Variants in IFIH1 observed in about 807,000 individuals in gnomAD.
IFIH1 encodes the protein interferon induced with helicase C domain 1, also known as interferon-induced helicase C domain-containing protein 1.
IFIH1 carries 125 observed loss-of-function variants against 107.4 expected under a neutral mutation model. The ratio of observed to expected loss-of-function variants is 1.16; its 90% confidence interval spans 1.01 to 1.35. IFIH1 has a LOEUF of 1.35. IFIH1 is among the 40% of genes most tolerant of loss of function. The pLI is 0.00. For synonymous variants in IFIH1, 458 were observed against 413.2 expected, an observed-to-expected ratio of 1.11 and a Z score of -1.31; for missense variants, 1,333 against 1,213.7, an observed-to-expected ratio of 1.10 and a Z score of -1.46.
chr2:162,315,070 G>C (rs957998873), intron 1 of IFIH1, among the ~76,000 whole-genome samples: 1 of 152,118 alleles, frequency 6.6e-6, no homozygotes, highest in Non-Finnish European at 1.5e-5. Flanking sequence ...TAAAATAATA[G>C]ATCAAGTAGA....
At chr2:162,306,656 G>GAAGATGTAGTAATTTT in intron 3 of IFIH1, 53 bp downstream of exon 3, 2 of 1,512,128 alleles carry the variant, frequency 1.3e-6, no homozygotes, top group Non-Finnish European at 1.8e-6. Context: ...TGCCCAGTTG[G>GAAGATGTAGTAATTTT]TTTTTCTGGA....
chr2:162,291,627 C>T (rs907190149), intron 4 of IFIH1, among the ~76,000 whole-genome samples: 3 of 151,708 alleles, frequency 2.0e-5, no homozygotes, highest in Admixed American at 1.3e-4. Context: ...CCTTATGGCC[C>T]ATATATGACC....
chr2:162,298,036 A>G (rs145259336), intron 3 of IFIH1, among the ~76,000 whole-genome samples: 1 of 152,304 alleles, frequency 6.6e-6, no homozygotes, highest in Non-Finnish European at 1.5e-5. Flanking sequence ...AAAAATATTG[A>G]ACTTTAAAAT....
At chr2:162,293,445 A>G in intron 4 of IFIH1, 119 bp downstream of exon 4, 1 of 610,932 alleles carries the variant, frequency 1.6e-6, no homozygotes, top group Non-Finnish European at 2.9e-6. Context: ...ATTTCACTGT[A>G]GAAAAGAATT....
At chr2:162,284,432 A>G (rs1342451734) in intron 5 of IFIH1, among the ~76,000 whole-genome samples, 2 of 151,986 alleles carry the variant, frequency 1.3e-5, no homozygotes, top group Non-Finnish European at 2.9e-5. Context: ...TTAACCTATT[A>G]TAGGGTTGTG....
rs1682712236 is a variant in IFIH1 at position 162,277,410 on chromosome 2, C to G, written c.2044+5G>C. The G allele has an allele frequency of 6.2e-7, 1 of 1,600,638 alleles. No individual in the cohort carries two copies. Among genetic ancestry groups the G allele is most frequent in the Non-Finnish European group, 8.5e-7 (1 of 1,169,928 alleles). The stretch of plus-strand genomic sequence containing the variant: ...GACACCAGTATATGTTACTTTGAAT[C>G]TTACCAAAAAATAAAGTCATGAGAA... On this transcript the variant is annotated splice_donor_5th_base_variant and intron_variant, in intron 10 of 15. Transcript: ENST00000649979.
At chr2:162,293,531 C>CTA (rs765395525) in intron 4 of IFIH1, 33 bp downstream of exon 4, 1 of 1,418,016 alleles carries the variant, frequency 7.1e-7, no homozygotes, top group South Asian at 1.2e-5. Flanking sequence ...TTATTTCACA[C>CTA]TTTTTAAGGT....
chr2:162,267,310 C>A lies in IFIH1; in HGVS notation c.2968G>T (p.Val990Phe), dbSNP rs766879801. The A allele has an allele frequency of 9.4e-5, 152 of 1,612,274 alleles. No homozygotes were observed. Among genetic ancestry groups the A allele is most frequent in the Non-Finnish European group, 1.2e-4 (145 of 1,179,560 alleles). The change falls in exon 16 of 16, where the codon GTT (valine) becomes TTT (phenylalanine). Residue 990 changes from valine (V) to phenylalanine (F), a missense_variant. By Grantham distance (50) the Val-to-Phe change is conservative. Coordinates refer to ENST00000649979, the MANE Select transcript of IFIH1 (RefSeq NM_022168.4). ...TTCTTTGTTGAATTATTTTTGAAAACCACTACAAAATTCCTTATTTTGAGA... is the reference window on the plus strand; with the variant it reads ...TTCTTTGTTGAATTATTTTTGAAAAACACTACAAAATTCCTTATTTTGAGA... ...PCLKIRNFVV[V>F]FKNNSTKKQY...
At chr2:162,271,845 T>C (rs1691046344) in intron 13 of IFIH1, among the ~76,000 whole-genome samples, 1 of 152,194 alleles carries the variant, frequency 6.6e-6, no homozygotes, top group Non-Finnish European at 1.5e-5. Flanking sequence ...CCTATAAGGT[T>C]ACCTGGCACA....
chr2:162,307,238 A>T (rs1683299783), intron 2 of IFIH1: 1 of 155,438 alleles, frequency 6.4e-6, no homozygotes, highest in Non-Finnish European at 1.4e-5. Flanking sequence ...CAATATAAGC[A>T]TTATGCTAAT....
At chr2:162,307,121 A>G (rs951440207) in intron 2 of IFIH1, 2 of 301,150 alleles carry the variant, frequency 6.6e-6, no homozygotes, top group Admixed American at 4.7e-5. Context: ...TAATATGTTG[A>G]CATTTCGAAA....
chr2:162,267,362 C>T lies in IFIH1; in HGVS notation c.2916G>A (p.Met972Ile). The T allele has an allele frequency of 1.2e-6, 2 of 1,613,704 alleles. No individual in the cohort carries two copies. Among genetic ancestry groups the T allele is most frequent in the South Asian group, 2.2e-5 (2 of 90,954 alleles). The change falls in exon 16 of 16, where the codon ATG becomes ATA. Residue 972 changes from methionine to isoleucine, a missense_variant. By Grantham distance (10) the Met-to-Ile change is conservative (BLOSUM62 1). Coordinates refer to ENST00000649979, the MANE Select transcript of IFIH1 (RefSeq NM_022168.4). The part of the protein sequence containing the change: ...CKCGQAWGTM[M>I]VHKGLDLPCL... ...AAGGCAAATCTAAGCCTTTGTGCAC[C>T]ATCATTGTTCCCCAAGCCTGGAAAA... is the stretch of plus-strand genomic sequence containing the variant.
At chr2:162,286,066 C>T (rs1039003542) in intron 5 of IFIH1, among the ~76,000 whole-genome samples, 3 of 151,846 alleles carry the variant, frequency 2.0e-5, no homozygotes, top group Admixed American at 2.0e-4. Context: ...AGTATTTTGC[C>T]CAACTCTGGA....
chr2:162,270,480 A>C (rs1691014024), intron 13 of IFIH1, among the ~76,000 whole-genome samples: 1 of 152,216 alleles, frequency 6.6e-6, no homozygotes, highest in South Asian at 2.1e-4. Flanking sequence ...TGAACAGATT[A>C]CTGGTGGCAT....
rs747135877 is a variant in IFIH1 at position 162,318,163 on chromosome 2, T to C, written c.145A>G (p.Thr49Ala). Residue 49 changes from threonine to alanine, a missense_variant, in exon 1 of 16, where the codon ACA becomes GCA. Thr to Ala is a moderately conservative substitution (Grantham distance 58). Transcript: ENST00000649979. Reference sequence around the variant, plus strand: ...TGCATGTTCCCGGAGGTGGCGACTGTCCTCTGAATCTGCTCCTTCACCTCT... The same window carrying C: ...TGCATGTTCCCGGAGGTGGCGACTGCCCTCTGAATCTGCTCCTTCACCTCT... ...PAEVKEQIQR[T>A]VATSGNMQAV... The C allele has an allele frequency of 5.6e-6, 9 of 1,614,172 alleles. No individual in the cohort carries two copies. In the East Asian group the frequency reaches 2.0e-4, roughly 36 times the overall value.
intron 4 of IFIH1, among the ~76,000 whole-genome samples, chr2:162,293,267 G>C (rs965792874): frequency 2.0e-5 from 3 of 151,870 alleles, no homozygotes; most frequent in Non-Finnish European, 4.4e-5. Context: ...TTTAAATGCA[G>C]TCAAATTAAT....
chr2:162,288,373 GA>G lies in IFIH1; in HGVS notation c.875-19del. ...CTCTTCATCTGAAGAAGGTTGAAAA[GA>G]AAAATAAGAGAAGGGACAACAAAAT... is the stretch of plus-strand genomic sequence containing the variant. On this transcript the variant is annotated intron_variant, in intron 4 of 15. Transcript: ENST00000649979. 1 of 1,582,962 alleles carries G rather than the reference GA, an allele frequency of 6.3e-7. No homozygotes were observed. Among genetic ancestry groups the G allele is most frequent in the Non-Finnish European group, 8.7e-7 (1 of 1,153,990 alleles).
intron 3 of IFIH1, among the ~76,000 whole-genome samples, chr2:162,294,655 A>G (rs962389314): frequency 4.6e-5 from 7 of 151,962 alleles, no homozygotes; most frequent in Non-Finnish European, 7.4e-5. Flanking sequence ...TTGGCACAGG[A>G]CTTTAATTGC....
chr2:162,273,995 A>C, intron 11 of IFIH1, 51 bp from the exon 12 acceptor site: 1 of 1,242,130 alleles, frequency 8.1e-7, no homozygotes, highest in Non-Finnish European at 1.1e-6. Flanking sequence ...ACACATTAAA[A>C]TCTTCTAATT....
Sources: gnomAD v4.1 joint callset for allele counts (sites outside exome capture counted in the v4.1 genomes callset) on GRCh38, gnomAD v4.1.1 for gene constraint, MANE v1.5 for transcripts, NCBI Gene and HGNC (gene_info 2026-07-23, HGNC 2026-07-21) for gene names.